CNTNAP4: variants seen among roughly 807,000 people sequenced by gnomAD.
The protein encoded by CNTNAP4 is contactin associated protein family member 4.
A neutral mutation model predicts 148.4 loss-of-function variants in CNTNAP4; 98 were observed. The ratio of observed to expected loss-of-function variants is 0.66; its 90% CI spans 0.56 to 0.78. CNTNAP4 has a LOEUF of 0.78. CNTNAP4 is among the 30% of genes least tolerant of loss of function. The pLI, the probability that CNTNAP4 is intolerant of heterozygous loss-of-function variation, is 0.00. For missense variants in CNTNAP4, 1,935 were observed against 1,565.6 expected (o/e 1.24, Z -3.98); for synonymous variants, 730 against 565.1 (o/e 1.29, Z -4.14).
chr16:76,365,613 A>G (rs1162174417), intron 3 of CNTNAP4, among the ~76,000 whole-genome samples: 1 of 151,942 alleles, frequency 6.6e-6, no homozygotes, highest in Non-Finnish European at 1.5e-5. Flanking sequence ...TTACCCGGGT[A>G]TAGTGGCGGA....
At chr16:76,503,589 T>C (rs989367039) in intron 15 of CNTNAP4, among the ~76,000 whole-genome samples, 1 of 152,218 alleles carries the variant, frequency 6.6e-6, no homozygotes, top group African/African-American at 2.4e-5. Flanking sequence ...GCAGGTTTGT[T>C]ACATACGTAT....
intron 15 of CNTNAP4, among the ~76,000 whole-genome samples, chr16:76,514,612 A>T (rs1372133636): frequency 2.0e-5 from 3 of 152,164 alleles, no homozygotes; most frequent in African/African-American, 7.2e-5. Context: ...GGAAACATCT[A>T]TGAACAGCTT....
chr16:76,327,859 A>T (rs1046979423), intron 2 of CNTNAP4, among the ~76,000 whole-genome samples: 8 of 152,316 alleles, frequency 5.3e-5, no homozygotes, highest in African/African-American at 1.9e-4. Flanking sequence ...GTGGCATTGG[A>T]TACCAGTAGC....
intron 15 of CNTNAP4, among the ~76,000 whole-genome samples, chr16:76,516,094 C>CAA (rs2083240020): frequency 7.8e-6 from 1 of 128,598 alleles, no homozygotes; most frequent in African/African-American, 2.8e-5. Flanking sequence ...CCTCCCCTTG[C>CAA]CCCCCACCCC....
intron 12 of CNTNAP4, among the ~76,000 whole-genome samples, chr16:76,480,673 G>A (rs1342818954): frequency 2.6e-5 from 4 of 152,110 alleles, no homozygotes; most frequent in East Asian, 3.9e-4. Flanking sequence ...GGGAGGTGGA[G>A]GTTGCATTGA....
intron 3 of CNTNAP4, among the ~76,000 whole-genome samples, chr16:76,366,489 A>G (rs573400364): frequency 1.3e-5 from 2 of 152,306 alleles, no homozygotes; most frequent in East Asian, 3.9e-4. Context: ...GCTGCATAGT[A>G]TTACATGATG....
rs1670011137 is a variant in CNTNAP4, at chr16:76,449,025, C to T, written c.927+74C>T. On this transcript the variant is annotated intron_variant, in intron 6 of 23. Coordinates refer to ENST00000611870, the MANE Select transcript of CNTNAP4 (RefSeq NM_033401.5). ...GTTTAATCTCCCAGAGGAAAATACA[C>T]TATAAAGAGCCCACCTTTTCAGTAA... 16 of 1,337,104 alleles carry T rather than the reference C, an allele frequency of 1.2e-5. No individual in the cohort carries two copies. The Admixed American group carries it at 2.1e-4, about 17-fold the overall frequency. The allele number at this position is 1,337,104 out of a possible 1,614,324, so 82.8% of individuals were successfully genotyped here. A position where few individuals can be genotyped will look rare whatever the true frequency, so the allele number is the denominator to read the frequency against.
chr16:76,298,486 ATGTGTGTGTG>A (rs3975398), intron 1 of CNTNAP4, among the ~76,000 whole-genome samples: 292 of 129,466 alleles, frequency 2.3e-3, no homozygotes, highest in African/African-American at 5.0e-3. Context: ...GTGTACATGT[ATGTGTGTGTG>A]TGTGTGTGTG....
At chr16:76,340,075 C>G (rs1191250018) in intron 2 of CNTNAP4, among the ~76,000 whole-genome samples, 1 of 152,138 alleles carries the variant, frequency 6.6e-6, no homozygotes, top group Non-Finnish European at 1.5e-5. Context: ...TTAGGCTCCA[C>G]TGTCAGATTG....
intron 3 of CNTNAP4, among the ~76,000 whole-genome samples, chr16:76,359,084 AT>A (rs2013078715): frequency 6.6e-6 from 1 of 152,150 alleles, no homozygotes; most frequent in Non-Finnish European, 1.5e-5. Context: ...GACCACTTCA[AT>A]TTGCATTTTT....
At chr16:76,305,791 T>G (rs1384338549) in intron 1 of CNTNAP4, among the ~76,000 whole-genome samples, 2 of 152,178 alleles carry the variant, frequency 1.3e-5, no homozygotes, top group East Asian at 1.9e-4. Flanking sequence ...AGGTAGTTTT[T>G]CAACACATGG....
chr16:76,402,299 G>C (rs942440765), intron 3 of CNTNAP4, among the ~76,000 whole-genome samples: 1 of 151,638 alleles, frequency 6.6e-6, no homozygotes, highest in South Asian at 2.1e-4. Context: ...AGCCATCTCA[G>C]GTTTTCTAGT....
chr16:76,285,182 G>C (rs1471215786), intron 1 of CNTNAP4, among the ~76,000 whole-genome samples: 3 of 151,832 alleles, frequency 2.0e-5, no homozygotes, highest in Non-Finnish European at 4.4e-5. Context: ...TCCTTCCAGT[G>C]AATTTTCATT....
chr16:76,476,025 G>T lies in CNTNAP4; in HGVS notation c.1742G>T (p.Arg581Ile), dbSNP rs2081563657. 1 of 1,612,382 alleles carries T rather than the reference G, an allele frequency of 6.2e-7. No individual in the cohort carries two copies. The highest frequency in any genetic ancestry group is 8.5e-7 in the Non-Finnish European group (1 of 1,178,424). The part of the protein sequence containing the change: ...FHCNCTNTGY[R>I]GATCHNSIYE... ...TGTAACTGTACCAACACTGGTTACA[G>T]AGGAGCTACTTGCCATAACTGTAAG... Residue 581 changes from arginine to isoleucine, a missense_variant, in exon 11 of 24, where the codon AGA (arginine) becomes ATA (isoleucine). Physicochemically the swap from Arg to Ile is moderately conservative, Grantham distance 97. Transcript: ENST00000611870.
At position 76,433,549 on chromosome 16, in the gene CNTNAP4, CAT is replaced by C. The variant is rs532638910; in HGVS notation, c.538+5954_538+5955del. On this transcript the variant is annotated intron_variant, in intron 4 of 23. Transcript: ENST00000611870. ...CATCAGCAGATTTAAGTTTAGAAAA[CAT>C]ATAAAGAGGACAATTTAAAAAGTAC... Among the ~76,000 whole-genome samples the C allele has an allele frequency of 1.4e-3, 209 of 151,894 alleles. 1 individual carries two copies. The highest frequency in any genetic ancestry group is 4.9e-3 in the African/African-American group (203 of 41,432).
intron 1 of CNTNAP4, among the ~76,000 whole-genome samples, chr16:76,292,344 C>T (rs1363761955): frequency 6.6e-6 from 1 of 152,166 alleles, no homozygotes; most frequent in Non-Finnish European, 1.5e-5. Flanking sequence ...CAACCATGAA[C>T]CTGTGGTGGT....
intron 13 of CNTNAP4, among the ~76,000 whole-genome samples, chr16:76,493,858 A>G (rs1437012903): frequency 6.6e-6 from 1 of 152,212 alleles, no homozygotes; most frequent in African/African-American, 2.4e-5. Flanking sequence ...GCTTGTCAGC[A>G]TTAGCATGGG....
intron 1 of CNTNAP4, among the ~76,000 whole-genome samples, chr16:76,298,297 T>G (rs1959525743): frequency 1.3e-5 from 2 of 152,186 alleles, no homozygotes; most frequent in Non-Finnish European, 1.5e-5. Flanking sequence ...AATCAAAATG[T>G]AACAGTCAAG....
chr16:76,346,432 T>TAAAAAA (rs59482710), intron 2 of CNTNAP4, among the ~76,000 whole-genome samples: 57 of 123,606 alleles, frequency 4.6e-4, no homozygotes, highest in East Asian at 3.3e-3. Context: ...CTAGGGAAGA[T>TAAAAAA]AAAAAAAAAA....
Sources: gnomAD v4.1 joint callset for allele counts (sites outside exome capture counted in the v4.1 genomes callset) on GRCh38, gnomAD v4.1.1 for gene constraint, MANE v1.5 for transcripts, NCBI Gene and HGNC (gene_info 2026-07-23, HGNC 2026-07-21) for gene names.